RNF13: variants seen among roughly 807,000 people sequenced by gnomAD.
RNF13 encodes E3 ubiquitin-protein ligase RNF13.
A neutral mutation model predicts 37.7 loss-of-function variants in RNF13; 19 were observed. That is an observed-to-expected ratio of 0.50 (90% confidence interval 0.35 to 0.74). The LOEUF is 0.74. RNF13 is among the 30% of genes least tolerant of loss of function. The pLI is 0.01. For missense variants in RNF13, 375 were observed against 453.0 expected (o/e 0.83, Z 1.56); for synonymous variants, 144 against 157.8 (o/e 0.91, Z 0.65).
At chr3:149,829,390 G>A (rs1384854056) in intron 1 of RNF13, among the ~76,000 whole-genome samples, 1 of 152,198 alleles carries the variant, frequency 6.6e-6, no homozygotes, top group East Asian at 1.9e-4. Context: ...GTGAGCCACT[G>A]CGCCCGGCCA....
intron 4 of RNF13, among the ~76,000 whole-genome samples, chr3:149,878,405 CTGAGGAGTAGCT>C (rs1713000008): frequency 6.6e-6 from 1 of 152,146 alleles, no homozygotes; most frequent in Non-Finnish European, 1.5e-5. Flanking sequence ...ATACTCTCTT[CTGAGGAGTAGCT>C]CTTCTCAACA....
chr3:149,931,523 A>G (rs1347469513), intron 8 of RNF13, among the ~76,000 whole-genome samples: 1 of 152,200 alleles, frequency 6.6e-6, no homozygotes, highest in African/African-American at 2.4e-5. Context: ...TCAGTGCTAT[A>G]AATTTCCCTG....
chr3:149,817,088 C>T (rs559693616), intron 1 of RNF13, among the ~76,000 whole-genome samples: 2 of 152,110 alleles, frequency 1.3e-5, no homozygotes, highest in Admixed American at 6.5e-5. Flanking sequence ...GTTGTTCAGA[C>T]GTTTGGAAAT....
intron 3 of RNF13, among the ~76,000 whole-genome samples, chr3:149,861,832 G>T (rs561531233): frequency 1.3e-5 from 2 of 152,036 alleles, no homozygotes; most frequent in Admixed American, 6.5e-5. Context: ...CAAGGTAATA[G>T]GTTCCTCAAG....
rs1351664704 is a variant in RNF13 at position 149,960,935 on chromosome 3, T to C, written c.977T>C (p.Leu326Ser). ...ASVSAQSFGA[L>S]SESRSHQNMT... ...GTCAGTGCCCAGTCATTTGGGGCTT[T>C]ATCGGAATCCCGCTCACATCAGAAC... Residue 326 changes from leucine to serine, a missense_variant, in exon 10 of 10, where the codon TTA becomes TCA. Coordinates refer to ENST00000392894, the MANE Select transcript of RNF13 (RefSeq NM_183381.3). 1.9e-6 allele frequency: 3 copies of C among 1,614,216 alleles called. No individual in the cohort carries two copies. Among genetic ancestry groups the C allele is most frequent in the Admixed American group, 3.3e-5 (2 of 60,034 alleles).
At chr3:149,847,442 A>G (rs1000198439) in intron 2 of RNF13, among the ~76,000 whole-genome samples, 1 of 152,184 alleles carries the variant, frequency 6.6e-6, no homozygotes, top group Non-Finnish European at 1.5e-5. Context: ...GCTTCTGCAC[A>G]TTGCAGTAAT....
intron 1 of RNF13, among the ~76,000 whole-genome samples, chr3:149,840,271 G>T (rs1335283940): frequency 6.6e-6 from 1 of 152,146 alleles, no homozygotes; most frequent in Non-Finnish European, 1.5e-5. Flanking sequence ...TCGTGGTAGT[G>T]TACACATCTC....
At chr3:149,913,419 A>G (rs550560373) in intron 7 of RNF13, among the ~76,000 whole-genome samples, 2 of 152,328 alleles carry the variant, frequency 1.3e-5, no homozygotes, top group Admixed American at 1.3e-4. Context: ...TCCGTCATCT[A>G]CTTTCCCGCA....
intron 1 of RNF13, chr3:149,813,989 T>G (rs1719167739): frequency 6.6e-6 from 1 of 152,200 alleles, no homozygotes; most frequent in Non-Finnish European, 1.5e-5. Context: ...CTCATGCAAC[T>G]TTGGTGGCGG....
At chr3:149,955,508 A>T (rs1721776690) in intron 8 of RNF13, among the ~76,000 whole-genome samples, 1 of 152,154 alleles carries the variant, frequency 6.6e-6, no homozygotes. Flanking sequence ...AGAATAAAAA[A>T]TAAGATTCAT....
intron 1 of RNF13, among the ~76,000 whole-genome samples, chr3:149,829,740 T>TA (rs1334821707): frequency 6.6e-6 from 1 of 152,252 alleles, no homozygotes; most frequent in Non-Finnish European, 1.5e-5. Flanking sequence ...TTAAAAGCGT[T>TA]AAAAAACTAT....
At chr3:149,951,287 T>C (rs1407079284) in intron 8 of RNF13, among the ~76,000 whole-genome samples, 1 of 152,200 alleles carries the variant, frequency 6.6e-6, no homozygotes, top group African/African-American at 2.4e-5. Context: ...TTCTCAGCTC[T>C]TCAAAAGGAA....
At chr3:149,949,912 A>G (rs1481492456) in intron 8 of RNF13, among the ~76,000 whole-genome samples, 1 of 151,614 alleles carries the variant, frequency 6.6e-6, no homozygotes, top group African/African-American at 2.4e-5. Context: ...AATTTTCTTG[A>G]TGTTTCCATT....
In RNF13 at chr3:149,961,359, C is replaced by T. The variant is rs1419910490; in HGVS notation, c.*255C>T. On this transcript the variant is annotated 3_prime_UTR_variant, in exon 10 of 10. Transcript: ENST00000392894. Reference sequence around the variant, plus strand: ...TTTTGGAATGAAAGTATAGCCAAAACATAAAAAAAAAAAAATCCTCAGTAT... The same window carrying T: ...TTTTGGAATGAAAGTATAGCCAAAATATAAAAAAAAAAAAATCCTCAGTAT... 2 of 527,370 alleles carry T rather than the reference C, an allele frequency of 3.8e-6. No individual in the cohort carries two copies. The highest frequency in any genetic ancestry group is 3.4e-6 in the Non-Finnish European group (1 of 292,724). The allele number at this position is 527,370 out of a possible 1,614,324, so 32.7% of individuals were successfully genotyped here. A position where few individuals can be genotyped will look rare whatever the true frequency, so the allele number is the denominator to read the frequency against.
chr3:149,926,489 C>T (rs1475353555), intron 8 of RNF13, among the ~76,000 whole-genome samples: 1 of 152,100 alleles, frequency 6.6e-6, no homozygotes, highest in South Asian at 2.1e-4. Context: ...GGATTACAGG[C>T]GTGAGCCACC....
intron 1 of RNF13, among the ~76,000 whole-genome samples, chr3:149,831,005 A>G (rs890441046): frequency 6.6e-6 from 1 of 152,248 alleles, no homozygotes; most frequent in African/African-American, 2.4e-5. Flanking sequence ...TTGAGCTGCA[A>G]GGTGCACAGA....
intron 1 of RNF13, chr3:149,813,787 C>T (rs1719147127): frequency 1.3e-5 from 2 of 152,430 alleles, no homozygotes; most frequent in Admixed American, 6.5e-5. Context: ...ACCCCCACCC[C>T]CTTTTTCTTT....
intron 1 of RNF13, among the ~76,000 whole-genome samples, chr3:149,828,141 C>T (rs1342917028): frequency 2.6e-5 from 4 of 152,128 alleles, no homozygotes; most frequent in Admixed American, 2.6e-4. Flanking sequence ...GATGAGGGAA[C>T]TGGTTCATTT....
At chr3:149,913,641 A>T (rs938929250) in intron 7 of RNF13, among the ~76,000 whole-genome samples, 5 of 152,134 alleles carry the variant, frequency 3.3e-5, no homozygotes, top group African/African-American at 1.2e-4. Flanking sequence ...CTTGTTTTTC[A>T]TGGCCTTGAT....
Sources: allele counts gnomAD v4.1 joint callset (sites outside exome capture counted in the v4.1 genomes callset), GRCh38; gene constraint gnomAD v4.1.1; transcripts MANE v1.5; gene names NCBI Gene and HGNC (gene_info 2026-07-23, HGNC 2026-07-21).